Variants in SDK1 observed in about 807,000 individuals in gnomAD.
SDK1 encodes sidekick cell adhesion molecule 1.
SDK1 carries 157 observed loss-of-function variants against 245.5 expected under a neutral mutation model. The ratio of observed to expected loss-of-function variants is 0.64; its 90% CI spans 0.56 to 0.73. SDK1 has a LOEUF of 0.73. SDK1 is among the 30% of genes least tolerant of loss of function. The probability of loss-of-function intolerance (pLI) is 0.00; values close to 1 mark genes in which losing one functional copy is unlikely to be tolerated. For synonymous variants in SDK1, 1,647 were observed against 1,278.5 expected (o/e 1.29, Z -6.15); for missense variants, 3,583 against 3,002.3 (o/e 1.19, Z -4.52).
intron 1 of SDK1, among the ~76,000 whole-genome samples, chr7:3,406,874 ATGTGAACAGTACATTTGT>A (rs1328225753): frequency 6.6e-6 from 1 of 152,302 alleles, no homozygotes; most frequent in East Asian, 1.9e-4. Flanking sequence ...TATAAGATAA[ATGTGAACAGTACATTTGT>A]AATGTAAGCA....
chr7:3,659,699 AG>A (rs1783295140), intron 4 of SDK1, among the ~76,000 whole-genome samples: 1 of 152,240 alleles, frequency 6.6e-6, no homozygotes, highest in Non-Finnish European at 1.5e-5. Context: ...TAAGAAAACC[AG>A]GCTGCTTTGT....
intron 1 of SDK1, among the ~76,000 whole-genome samples, chr7:3,615,949 A>G (rs546567342): frequency 1.9e-4 from 29 of 152,074 alleles, no homozygotes; most frequent in African/African-American, 6.7e-4. Flanking sequence ...CAGTGGCACA[A>G]TCACGGCTCA....
intron 28 of SDK1, 163 bp downstream of exon 28, chr7:4,132,586 G>T (rs1207250103): frequency 3.6e-6 from 2 of 561,596 alleles, no homozygotes; most frequent in African/African-American, 1.9e-5. Context: ...TATTAGCCGG[G>T]CATGATGGCA....
In SDK1 at chr7:4,199,110, C is replaced by T. The variant is rs190069249; in HGVS notation, c.5099-6769C>T. Among the ~76,000 whole-genome samples the T allele has an allele frequency of 7.9e-5, 12 of 152,228 alleles. No homozygotes were observed. The East Asian group carries it at 1.4e-3, about 17-fold the overall frequency. ...GATTACAGGTGTGAGCCAGCGTACC[C>T]GGCCTCAGTTTTCTAAAAGGAGAAT... On this transcript the variant is annotated intron_variant, in intron 35 of 44. Coordinates refer to ENST00000404826, the MANE Select transcript of SDK1 (RefSeq NM_152744.4).
At chr7:3,483,952 A>G (rs535478999) in intron 1 of SDK1, among the ~76,000 whole-genome samples, 21 of 152,328 alleles carry the variant, frequency 1.4e-4, no homozygotes, top group African/African-American at 4.8e-4. Context: ...ATAGTTGGAC[A>G]TATTTATGGG....
At chr7:3,638,315 C>T (rs1017118140) in intron 2 of SDK1, among the ~76,000 whole-genome samples, 50 of 152,250 alleles carry the variant, frequency 3.3e-4, no homozygotes, top group Non-Finnish European at 6.3e-4. Context: ...AATCATGCTG[C>T]TATAAAGACA....
intron 1 of SDK1, among the ~76,000 whole-genome samples, chr7:3,504,174 A>ATG (rs1392132133): frequency 3.2e-5 from 2 of 61,992 alleles, no homozygotes; most frequent in African/African-American, 1.1e-4. Flanking sequence ...AAAATTATAT[A>ATG]TATATATATG....
At chr7:3,650,355 C>T (rs1185094588) in intron 4 of SDK1, among the ~76,000 whole-genome samples, 1 of 152,168 alleles carries the variant, frequency 6.6e-6, no homozygotes, top group East Asian at 1.9e-4. Flanking sequence ...CATAACTCCC[C>T]ACTCCCTCCT....
intron 1 of SDK1, among the ~76,000 whole-genome samples, chr7:3,394,575 A>C (rs1781844297): frequency 6.6e-6 from 1 of 151,894 alleles, no homozygotes; most frequent in African/African-American, 2.4e-5. Context: ...CTGGAATTTG[A>C]TAGGGATTAT....
chr7:3,551,432 C>G (rs992841364), intron 1 of SDK1, among the ~76,000 whole-genome samples: 5 of 152,132 alleles, frequency 3.3e-5, no homozygotes, highest in Non-Finnish European at 5.9e-5. Flanking sequence ...TCCCTCATTT[C>G]TTGGGTCAAG....
chr7:3,695,154 A>G (rs1784536685), intron 4 of SDK1, among the ~76,000 whole-genome samples: 1 of 152,206 alleles, frequency 6.6e-6, no homozygotes, highest in Non-Finnish European at 1.5e-5. Context: ...TCAGTACCTG[A>G]TCACAGAATT....
chr7:4,015,683 G>A (rs1040413769), intron 16 of SDK1, among the ~76,000 whole-genome samples: 8 of 152,144 alleles, frequency 5.3e-5, no homozygotes, highest in Non-Finnish European at 1.0e-4. Flanking sequence ...CCAAAACATG[G>A]TTTGATAACT....
chr7:3,548,087 A>C (rs796566681), intron 1 of SDK1, among the ~76,000 whole-genome samples: 2 of 152,200 alleles, frequency 1.3e-5, no homozygotes, highest in African/African-American at 4.8e-5. Flanking sequence ...GCAACTGTAA[A>C]ACACATACTA....
chr7:4,003,541 C>T (rs967160174), intron 14 of SDK1, among the ~76,000 whole-genome samples: 1 of 152,200 alleles, frequency 6.6e-6, no homozygotes, highest in Admixed American at 6.5e-5. Context: ...GTCACTCAAT[C>T]GGGATTTGTC....
intron 5 of SDK1, among the ~76,000 whole-genome samples, chr7:3,903,007 C>A (rs370888299): frequency 6.6e-6 from 1 of 151,798 alleles, no homozygotes; most frequent in South Asian, 2.1e-4. Context: ...ATAAAAAAAA[C>A]GGGCAATAAA....
intron 1 of SDK1, among the ~76,000 whole-genome samples, chr7:3,533,336 G>A (rs17133522): frequency 0.039 from 5,944 of 152,190 alleles, 173 homozygotes; most frequent in Non-Finnish European, 0.061. Context: ...AAAAAGACTC[G>A]CTGATAAAGA....
At chr7:3,436,125 A>G (rs1179838485) in intron 1 of SDK1, among the ~76,000 whole-genome samples, 2 of 152,230 alleles carry the variant, frequency 1.3e-5, no homozygotes, top group African/African-American at 4.8e-5. Flanking sequence ...TAATTGTAAC[A>G]TTAATGAACA....
chr7:3,740,191 G>A (rs566543338), intron 4 of SDK1, among the ~76,000 whole-genome samples: 6 of 152,220 alleles, frequency 3.9e-5, no homozygotes, highest in Non-Finnish European at 5.9e-5. Flanking sequence ...CAGAGGTGAC[G>A]TACACTGTAC....
chr7:3,787,202 C>G (rs921373642), intron 4 of SDK1, among the ~76,000 whole-genome samples: 1 of 147,278 alleles, frequency 6.8e-6, no homozygotes, highest in African/African-American at 2.5e-5. Flanking sequence ...ATACAGAAAA[C>G]TTTTCTCAGT....
Sources: gnomAD v4.1 joint callset for allele counts (sites outside exome capture counted in the v4.1 genomes callset) on GRCh38, gnomAD v4.1.1 for gene constraint, MANE v1.5 for transcripts, NCBI Gene and HGNC (gene_info 2026-07-23, HGNC 2026-07-21) for gene names.